Variants in CPNE5 observed in about 807,000 individuals in gnomAD.
The protein encoded by CPNE5 is copine 5.
In CPNE5, 42 loss-of-function variants were observed where a neutral mutation model predicts 81.1. The ratio of observed to expected loss-of-function variants is 0.52; its 90% CI spans 0.40 to 0.67. The LOEUF is 0.67. Among genes scored for constraint, CPNE5 ranks in the 30% least tolerant of loss-of-function variants. The pLI is 0.00. For synonymous variants in CPNE5, 313 were observed against 321.5 expected (o/e 0.97, Z 0.28); for missense variants, 612 against 815.5 (o/e 0.75, Z 3.04).
At chr6:36,838,253 G>C (rs574157575) in intron 1 of CPNE5, among the ~76,000 whole-genome samples, 2 of 152,356 alleles carry the variant, frequency 1.3e-5, no homozygotes, top group South Asian at 4.1e-4. Context: ...ACCTGGAAGA[G>C]GATGAGATGG....
intron 3 of CPNE5, among the ~76,000 whole-genome samples, chr6:36,817,385 G>A (rs1771640186): frequency 6.6e-6 from 1 of 152,144 alleles, no homozygotes; most frequent in South Asian, 2.1e-4. Flanking sequence ...TGGCCCACGT[G>A]GCTGAGCTCT....
intron 8 of CPNE5, among the ~76,000 whole-genome samples, chr6:36,782,327 G>A (rs1015633933): frequency 3.9e-5 from 6 of 152,142 alleles, no homozygotes; most frequent in East Asian, 1.9e-4. Context: ...ACCAAACAGA[G>A]GCCACAAAAT....
intron 6 of CPNE5, among the ~76,000 whole-genome samples, chr6:36,794,874 G>A (rs982529608): frequency 3.3e-5 from 5 of 152,146 alleles, no homozygotes; most frequent in Non-Finnish European, 7.3e-5. Flanking sequence ...GCACCAGCAT[G>A]TCCTGGGAAT....
chr6:36,815,090 G>A (rs1236199041), intron 3 of CPNE5, among the ~76,000 whole-genome samples: 2 of 151,716 alleles, frequency 1.3e-5, no homozygotes, highest in South Asian at 2.1e-4. Context: ...CCCGGGAGGT[G>A]GAGTTTGCAG....
chr6:36,744,545 G>T, intron 18 of CPNE5: 1 of 585,174 alleles, frequency 1.7e-6, no homozygotes, highest in Non-Finnish European at 3.1e-6. Context: ...GAGAGGGAGG[G>T]TGGCAGGGGG....
chr6:36,763,049 G>A, intron 11 of CPNE5, 57 bp from the exon 12 acceptor site: 1 of 1,480,684 alleles, frequency 6.8e-7, no homozygotes, highest in South Asian at 1.1e-5. Context: ...CCTCTGCCCA[G>A]CCCCAGCCTT....
chr6:36,748,628 T>G (rs1471679349), intron 14 of CPNE5, among the ~76,000 whole-genome samples: 1 of 152,030 alleles, frequency 6.6e-6, no homozygotes, highest in Non-Finnish European at 1.5e-5. Flanking sequence ...AAATTTGGAG[T>G]GAGATTCAGG....
chr6:36,827,504 CT>C (rs1426003909), intron 1 of CPNE5: 2 of 985,344 alleles, frequency 2.0e-6, no homozygotes, highest in African/African-American at 3.5e-5. Flanking sequence ...AGAGATCCCC[CT>C]ATTATGTCTC....
intron 12 of CPNE5, among the ~76,000 whole-genome samples, chr6:36,757,054 T>A (rs1244368387): frequency 1.3e-5 from 2 of 152,056 alleles, no homozygotes; most frequent in Admixed American, 6.6e-5. Context: ...CAAGACAGCC[T>A]CCCACGGCAG....
chr6:36,791,377 T>C (rs1288056709), intron 8 of CPNE5, among the ~76,000 whole-genome samples: 1 of 152,172 alleles, frequency 6.6e-6, no homozygotes, highest in Non-Finnish European at 1.5e-5. Flanking sequence ...AGCGATAACT[T>C]ATGTAAAGTG....
intron 1 of CPNE5, among the ~76,000 whole-genome samples, chr6:36,823,999 A>G (rs1772286880): frequency 6.6e-6 from 1 of 152,112 alleles, no homozygotes; most frequent in African/African-American, 2.4e-5. Flanking sequence ...CCCAGTGGAA[A>G]CGCAGTCTCT....
chr6:36,834,324 G>GAAA (rs144148857), intron 1 of CPNE5, among the ~76,000 whole-genome samples: 1 of 121,514 alleles, frequency 8.2e-6, no homozygotes, highest in Non-Finnish European at 1.7e-5. Context: ...AGGAAGGAAA[G>GAAA]AAAAAAAAAA....
At position 36,798,438 on chromosome 6, in the gene CPNE5, T is replaced by A; in HGVS notation, c.327+17A>T. On this transcript the variant is annotated intron_variant, in intron 5 of 20. Coordinates refer to ENST00000244751, the MANE Select transcript of CPNE5 (RefSeq NM_020939.2). ...CAGAAACTATGGAATTGCTGAGCAGTTACTGGCAGAACTCACGTGTTTGGA... is the reference window on the plus strand; with the variant it reads ...CAGAAACTATGGAATTGCTGAGCAGATACTGGCAGAACTCACGTGTTTGGA... 1 of 1,613,226 alleles carries A rather than the reference T, an allele frequency of 6.2e-7. No individual in the cohort carries two copies. Among genetic ancestry groups the A allele is most frequent in the South Asian group, 1.1e-5 (1 of 91,060 alleles).
chr6:36,778,971 G>C lies in CPNE5; in HGVS notation c.529-14C>G, dbSNP rs759804426. On this transcript the variant is annotated splice_polypyrimidine_tract_variant and intron_variant, in intron 8 of 20. Transcript: ENST00000244751. ...GGTGGCGACATCCTGGTGGGAGGGA[G>C]GGAGAACGGGGTGTGAGGCAGGAGA... is the stretch of plus-strand genomic sequence containing the variant. The C allele has an allele frequency of 3.2e-6, 5 of 1,554,508 alleles. No individual in the cohort carries two copies. In the South Asian group the frequency reaches 5.6e-5, roughly 17 times the overall value.
At chr6:36,773,464 G>C (rs931756396) in intron 10 of CPNE5, among the ~76,000 whole-genome samples, 3 of 152,200 alleles carry the variant, frequency 2.0e-5, no homozygotes, top group African/African-American at 4.8e-5. Context: ...TCCCCTACTG[G>C]CATGTAAACA....
rs775013205 is a variant in CPNE5 at position 36,745,090 on chromosome 6, C to A, written c.1389G>T (p.Gly463=). 3.1e-6 allele frequency: 5 copies of A among 1,614,128 alleles called. No homozygotes were observed. Among genetic ancestry groups the A allele is most frequent in the Non-Finnish European group, 3.4e-6 (4 of 1,179,958 alleles). Residue 463 remains glycine, a synonymous_variant, in exon 18 of 21, where the codon GGG becomes GGT. Transcript: ENST00000244751. The stretch of plus-strand genomic sequence containing the variant: ...TGGTCTGCGCCATGTCCGAGATGAC[C>A]CCATCAGTAATGATGAGCAGCACCG... The part of the protein sequence containing the change: ...QYSVLLIITD[G]VISDMAQTKE...
chr6:36,827,542 G>T, intron 1 of CPNE5: 1 of 985,424 alleles, frequency 1.0e-6, no homozygotes, highest in Non-Finnish European at 1.2e-6. Context: ...AATACCACAT[G>T]TTGAGACACC....
At chr6:36,791,381 TA>T (rs1769077357) in intron 8 of CPNE5, among the ~76,000 whole-genome samples, 1 of 152,208 alleles carries the variant, frequency 6.6e-6, no homozygotes, top group Non-Finnish European at 1.5e-5. Flanking sequence ...ATAACTTATG[TA>T]AAGTGCCTAT....
chr6:36,829,854 A>AG (rs1583044233), intron 1 of CPNE5, among the ~76,000 whole-genome samples: 1 of 142,060 alleles, frequency 7.0e-6, no homozygotes, highest in East Asian at 2.2e-4. Context: ...GAATTGCAAA[A>AG]AAAAAAAAAA....
Sources: allele counts gnomAD v4.1 joint callset (sites outside exome capture counted in the v4.1 genomes callset), GRCh38; gene constraint gnomAD v4.1.1; transcripts MANE v1.5; gene names NCBI Gene and HGNC (gene_info 2026-07-23, HGNC 2026-07-21).